ARHGEF3: variants seen among roughly 807,000 people sequenced by gnomAD.
ARHGEF3 encodes the protein 59.8 kDA protein.
Under a neutral mutation model 63.2 loss-of-function variants are expected in ARHGEF3, and 28 were observed. The ratio of observed to expected loss-of-function variants is 0.44; its 90% CI spans 0.33 to 0.61. ARHGEF3 has a LOEUF of 0.61. ARHGEF3 is among the 20% of genes least tolerant of loss of function. The pLI is 0.03. For synonymous variants in ARHGEF3, 266 were observed against 254.2 expected (o/e 1.05, Z -0.44); for missense variants, 533 against 659.3 (o/e 0.81, Z 2.10).
intron 2 of ARHGEF3, among the ~76,000 whole-genome samples, chr3:56,973,071 C>T (rs1158128783): frequency 6.6e-6 from 1 of 150,746 alleles, no homozygotes; most frequent in Non-Finnish European, 1.5e-5. Flanking sequence ...GGCTGGAGTG[C>T]AGTGGTGCGA....
intron 3 of ARHGEF3, among the ~76,000 whole-genome samples, chr3:56,886,451 C>T (rs567780781): frequency 3.3e-5 from 5 of 152,322 alleles, no homozygotes; most frequent in Admixed American, 1.3e-4. Context: ...AGACATTTCA[C>T]GCTCTACCCA....
intron 2 of ARHGEF3, among the ~76,000 whole-genome samples, chr3:57,016,883 C>T (rs1438511831): frequency 1.3e-5 from 2 of 152,012 alleles, no homozygotes. Context: ...AATGACCTTG[C>T]CCATCAGCTG....
chr3:57,039,148 G>T (rs1704077635), intron 1 of ARHGEF3, among the ~76,000 whole-genome samples: 1 of 152,140 alleles, frequency 6.6e-6, no homozygotes, highest in Non-Finnish European at 1.5e-5. Context: ...TAAAAACTCT[G>T]GCACCACCAC....
At chr3:56,947,408 G>A (rs572867709) in intron 3 of ARHGEF3, among the ~76,000 whole-genome samples, 2 of 152,062 alleles carry the variant, frequency 1.3e-5, no homozygotes, top group Admixed American at 6.5e-5. Flanking sequence ...ACACATATAG[G>A]CTCAAAATAA....
upstream of ARHGEF3, chr3:56,802,084 G>C (rs2037688683): frequency 3.5e-6 from 4 of 1,128,718 alleles, no homozygotes; most frequent in South Asian, 7.0e-5. Context: ...TCCTGGGGCT[G>C]CGAGGGGCGT....
At chr3:56,806,050 T>C (rs1002652551), upstream of ARHGEF3, among the ~76,000 whole-genome samples, 5 of 152,210 alleles carry the variant, frequency 3.3e-5, no homozygotes, top group Non-Finnish European at 7.3e-5. Context: ...AGTATTTTTT[T>C]TTAACTTCCA....
At chr3:56,907,296 T>C (rs1037045233) in intron 3 of ARHGEF3, among the ~76,000 whole-genome samples, 2 of 152,172 alleles carry the variant, frequency 1.3e-5, no homozygotes, top group Admixed American at 6.5e-5. Context: ...TCTACTTCTA[T>C]TGGACAACAC....
chr3:57,063,401 C>T (rs1705340783), intron 1 of ARHGEF3, among the ~76,000 whole-genome samples: 2 of 152,126 alleles, frequency 1.3e-5, no homozygotes, highest in Admixed American at 1.3e-4. Context: ...GAGTTGAGAA[C>T]AAGCTGAAAG....
intron 3 of ARHGEF3, among the ~76,000 whole-genome samples, chr3:56,944,030 G>T (rs533498052): frequency 2.0e-5 from 3 of 151,986 alleles, no homozygotes; most frequent in African/African-American, 7.2e-5. Flanking sequence ...ACTAAAATTA[G>T]CCAGGCATGA....
intron 1 of ARHGEF3, among the ~76,000 whole-genome samples, chr3:56,792,821 T>TC (rs981654592): frequency 6.7e-6 from 1 of 149,738 alleles, no homozygotes; most frequent in African/African-American, 2.4e-5. Flanking sequence ...TTTTTCTTAT[T>TC]TTTTTTTTTT....
chr3:56,875,121 C>CCA (rs994445036), intron 4 of ARHGEF3, among the ~76,000 whole-genome samples: 1 of 152,122 alleles, frequency 6.6e-6, no homozygotes, highest in Non-Finnish European at 1.5e-5. Flanking sequence ...TAACTTCTAT[C>CCA]CACTCCGTTT....
At chr3:56,874,787 G>A (rs781418920) in intron 4 of ARHGEF3, among the ~76,000 whole-genome samples, 5 of 152,170 alleles carry the variant, frequency 3.3e-5, no homozygotes, top group African/African-American at 7.2e-5. Flanking sequence ...GAGGTGGTGT[G>A]GGGAGGCTGT....
In ARHGEF3 at chr3:56,808,276, C is replaced by CAA. The variant is rs141825978; in HGVS notation, c.193-34462_193-34461dup. ...ATCCTGTGGATTATCAGCTATAAAGCAAAAAAAATAGTAATAATAAATTAG... is the reference window on the plus strand; with the variant it reads ...ATCCTGTGGATTATCAGCTATAAAGCAAAAAAAAAATAGTAATAATAAATTAG... On this transcript the variant is annotated intron_variant, in intron 4 of 12. Coordinates refer to the ARHGEF3 transcript ENST00000338458. Among the ~76,000 whole-genome samples, 7 of 151,002 alleles carry CAA rather than the reference C, an allele frequency of 4.6e-5. No homozygotes were observed. The East Asian group carries it at 5.9e-4, about 13-fold the overall frequency.
intron 4 of ARHGEF3, among the ~76,000 whole-genome samples, chr3:56,870,179 T>G (rs1217299072): frequency 1.3e-5 from 2 of 152,168 alleles, no homozygotes; most frequent in African/African-American, 4.8e-5. Flanking sequence ...TATACCCATC[T>G]GTTTTATGCA....
At chr3:56,810,435 C>T (rs981477318) in intron 4 of ARHGEF3, among the ~76,000 whole-genome samples, 1 of 151,890 alleles carries the variant, frequency 6.6e-6, no homozygotes, top group Non-Finnish European at 1.5e-5. Flanking sequence ...CCCAGCTACT[C>T]GGGAGGCTTG....
chr3:56,736,149 A>G (rs1559886122), intron 8 of ARHGEF3, among the ~76,000 whole-genome samples: 1 of 152,166 alleles, frequency 6.6e-6, no homozygotes, highest in Admixed American at 6.5e-5. Context: ...GAACTCTCAT[A>G]TAATTCAAAT....
At chr3:56,847,289 A>T (rs984271887) in intron 4 of ARHGEF3, among the ~76,000 whole-genome samples, 2 of 152,208 alleles carry the variant, frequency 1.3e-5, no homozygotes, top group Non-Finnish European at 2.9e-5. Context: ...GAGCCAATTC[A>T]ACCAAATTGA....
intron 3 of ARHGEF3, among the ~76,000 whole-genome samples, chr3:56,929,445 G>A (rs951178044): frequency 6.6e-6 from 1 of 152,086 alleles, no homozygotes; most frequent in Non-Finnish European, 1.5e-5. Context: ...CCTAAAAATC[G>A]GAATGTTTCT....
chr3:56,755,917 C>G (rs1251317677), intron 2 of ARHGEF3, among the ~76,000 whole-genome samples: 1 of 152,226 alleles, frequency 6.6e-6, no homozygotes, highest in Non-Finnish European at 1.5e-5. Context: ...CTGGATCCCA[C>G]TGTGCCTGAA....
Sources: gnomAD v4.1 joint callset for allele counts (sites outside exome capture counted in the v4.1 genomes callset) on GRCh38, gnomAD v4.1.1 for gene constraint, MANE v1.5 for transcripts, NCBI Gene and HGNC (gene_info 2026-07-23, HGNC 2026-07-21) for gene names.